The following TRIM54 variants were observed in gnomAD, a reference collection of about 807,000 sequenced individuals.
TRIM54 encodes the protein tripartite motif-containing protein 54.
A neutral mutation model predicts 42.0 loss-of-function variants in TRIM54; 40 were observed. That is an observed-to-expected ratio of 0.95 (90% CI 0.74 to 1.24). The LOEUF (loss-of-function observed/expected upper bound fraction) is 1.24, where lower values mean the gene tolerates loss of function less well. TRIM54 is among the 50% of genes most tolerant of loss of function. The pLI is 0.00. For synonymous variants in TRIM54, 199 were observed against 194.9 expected (o/e 1.02, Z -0.17); for missense variants, 485 against 480.3 (o/e 1.01, Z -0.09).
chr2:27,285,146 G>C (rs562577496), intron 1 of TRIM54, among the ~76,000 whole-genome samples: 42 of 152,280 alleles, frequency 2.8e-4, no homozygotes, highest in African/African-American at 9.6e-4. Flanking sequence ...CTCATCCCTT[G>C]CTGCTTATTT....
At chr2:27,293,640 G>C (rs558947672) in intron 1 of TRIM54, among the ~76,000 whole-genome samples, 15 of 152,098 alleles carry the variant, frequency 9.9e-5, no homozygotes, top group Non-Finnish European at 2.2e-4. Flanking sequence ...CAGTTGCATA[G>C]TTGATTTTCA....
chr2:27,292,623 A>G (rs1678751251), intron 1 of TRIM54, among the ~76,000 whole-genome samples: 1 of 152,184 alleles, frequency 6.6e-6, no homozygotes, highest in South Asian at 2.1e-4. Flanking sequence ...CATTACATAC[A>G]TTTACATTGT....
chr2:27,291,338 G>A (rs530934048), intron 1 of TRIM54, among the ~76,000 whole-genome samples: 1 of 152,292 alleles, frequency 6.6e-6, no homozygotes, highest in Non-Finnish European at 1.5e-5. Context: ...CTGGGCTACA[G>A]GAGTGAAACC....
chr2:27,296,556 G>T (rs772166587), intron 1 of TRIM54, among the ~76,000 whole-genome samples: 13 of 152,276 alleles, frequency 8.5e-5, no homozygotes, highest in Non-Finnish European at 1.3e-4. Context: ...CCACTTCATG[G>T]CTCAAGACGG....
chr2:27,303,518 C>T (rs1342527616), intron 3 of TRIM54, among the ~76,000 whole-genome samples: 4 of 151,882 alleles, frequency 2.6e-5, no homozygotes, highest in Non-Finnish European at 5.9e-5. Context: ...TCATTGCACT[C>T]CAGCCTGGGC....
At chr2:27,286,010 C>T (rs1678547358) in intron 1 of TRIM54, among the ~76,000 whole-genome samples, 1 of 152,116 alleles carries the variant, frequency 6.6e-6, no homozygotes, top group African/African-American at 2.4e-5. Flanking sequence ...AGGAGGATCA[C>T]TTGAGCCCAG....
chr2:27,306,027 C>G lies in TRIM54; in HGVS notation c.844-53C>G. The G allele has an allele frequency of 6.2e-7, 1 of 1,609,886 alleles. No individual in the cohort carries two copies. The highest frequency in any genetic ancestry group is 8.5e-7 in the Non-Finnish European group (1 of 1,177,962). ...ACTGTGGTGAGATTCAGAAATGGGA[C>G]TTTGCCCAGGTTGGCCCAGTGCTTA... On this transcript the variant is annotated intron_variant, in intron 5 of 8. Transcript: ENST00000380075. The surrounding 1 kb of genome is among the most constrained non-coding windows in gnomAD (Gnocchi z 6.1).
chr2:27,299,281 C>T lies in TRIM54; in HGVS notation c.378C>T (p.Cys126=), dbSNP rs1251823596. ...CCAAGGCTGAGCAGCACCTCATGTG[C>T]GAGGAGCATGAAGAAGAGAAGATCA... is the stretch of plus-strand genomic sequence containing the variant. The part of the protein sequence containing the change: ...LHSKAEQHLM[C]EEHEEEKINI... The change falls in exon 3 of 9, where the codon TGC becomes TGT. Residue 126 remains cysteine, a synonymous_variant. Transcript: ENST00000380075. The T allele has an allele frequency of 2.5e-6, 4 of 1,614,114 alleles. No homozygotes were observed. Among genetic ancestry groups the T allele is most frequent in the South Asian group, 2.2e-5 (2 of 91,082 alleles).
chr2:27,295,046 C>T (rs1483702709), intron 1 of TRIM54, among the ~76,000 whole-genome samples: 1 of 151,898 alleles, frequency 6.6e-6, no homozygotes, highest in African/African-American at 2.4e-5. Flanking sequence ...AGTGATTGTT[C>T]ACCTCCTCGA....
At chr2:27,302,173 A>C (rs1028658064) in intron 3 of TRIM54, among the ~76,000 whole-genome samples, 5 of 151,722 alleles carry the variant, frequency 3.3e-5, no homozygotes, top group Non-Finnish European at 7.4e-5. Context: ...TAAATAGGCC[A>C]GGCGCGGTGG....
rs1558590492 is a variant in TRIM54, at chr2:27,304,223, T to TAG, written c.514-735_514-734insGA. On this transcript the variant is annotated intron_variant, in intron 3 of 8. Transcript: ENST00000380075. Reference sequence around the variant, plus strand: ...TGAGACCTTGTCTCAAATATATATATATAGATAGATAGATAGATAGATAGA... The same window carrying TAG: ...TGAGACCTTGTCTCAAATATATATATAGATAGATAGATAGATAGATAGATAGA... Among the ~76,000 whole-genome samples the TAG allele has an allele frequency of 2.9e-4, 41 of 139,212 alleles. 1 individual carries two copies. Among genetic ancestry groups the TAG allele is most frequent in the South Asian group, 7.0e-4 (3 of 4,308 alleles). The allele number at this position is 139,212 out of a possible 152,430, so 91.3% of individuals were successfully genotyped here. A position where few individuals can be genotyped will look rare whatever the true frequency, so the allele number is the denominator to read the frequency against.
rs1443830478 is a variant in TRIM54, at chr2:27,290,399, G to T, written c.168+7500G>T. Among the ~76,000 whole-genome samples, 3 of 152,308 alleles carry T rather than the reference G, an allele frequency of 2.0e-5. No homozygotes were observed. In the South Asian group the frequency reaches 6.2e-4, roughly 32 times the overall value. On this transcript the variant is annotated intron_variant, in intron 1 of 8. Transcript: ENST00000380075. ...GTAGTGATAAGCAGCCGGGCCCAGTGGCTCATGCCTGTAATCCCAGCACTA... is the reference window on the plus strand; with the variant it reads ...GTAGTGATAAGCAGCCGGGCCCAGTTGCTCATGCCTGTAATCCCAGCACTA...
At chr2:27,295,911 A>G (rs1678855320) in intron 1 of TRIM54, among the ~76,000 whole-genome samples, 2 of 152,344 alleles carry the variant, frequency 1.3e-5, no homozygotes, top group South Asian at 4.1e-4. Context: ...ATACACTTTA[A>G]CGCATTCCCT....
At chr2:27,295,380 C>T (rs1206326732) in intron 1 of TRIM54, among the ~76,000 whole-genome samples, 1 of 152,146 alleles carries the variant, frequency 6.6e-6, no homozygotes, top group Admixed American at 6.6e-5. Context: ...GATCTTGGCT[C>T]ACTGCAGCCT....
rs1357882143 is a variant in TRIM54, at chr2:27,282,514, C to T, written c.-218C>T. The T allele has an allele frequency of 4.9e-6, 2 of 406,192 alleles. No homozygotes were observed. Among genetic ancestry groups the T allele is most frequent in the African/African-American group, 2.1e-5 (1 of 48,420 alleles). 25.2% of individuals were successfully genotyped at this position (406,192 alleles called of 1,614,324 possible). ...TACAGAGAGAGAGGGATAGCTAAAA[C>T]TACGTGAGCCTGGCGAGGGTGCAGA... On this transcript the variant is annotated 5_prime_UTR_variant, in exon 1 of 9. Coordinates refer to ENST00000380075, the MANE Select transcript of TRIM54 (RefSeq NM_187841.3).
At chr2:27,290,950 G>A (rs1156830693) in intron 1 of TRIM54, among the ~76,000 whole-genome samples, 1 of 152,150 alleles carries the variant, frequency 6.6e-6, no homozygotes, top group African/African-American at 2.4e-5. Context: ...GACAAATTTT[G>A]GTAGAGAAAG....
intron 1 of TRIM54, among the ~76,000 whole-genome samples, chr2:27,285,258 A>G (rs1678523997): frequency 6.6e-6 from 1 of 152,178 alleles, no homozygotes; most frequent in Non-Finnish European, 1.5e-5. Flanking sequence ...GAGCATATTT[A>G]GTTTTTTCGC....
At chr2:27,288,155 G>A (rs537942426) in intron 1 of TRIM54, among the ~76,000 whole-genome samples, 7 of 152,220 alleles carry the variant, frequency 4.6e-5, no homozygotes, top group South Asian at 4.1e-4. Context: ...TCTGCCCACC[G>A]TTTTCCCAAG....
chr2:27,299,306 A>G lies in TRIM54; in HGVS notation c.403A>G (p.Asn135Asp). The G allele has an allele frequency of 6.2e-7, 1 of 1,614,164 alleles. No individual in the cohort carries two copies. The highest frequency in any genetic ancestry group is 8.5e-7 in the Non-Finnish European group (1 of 1,180,034). The change falls in exon 3 of 9, where the codon AAT becomes GAT. Residue 135 changes from asparagine to aspartate, a missense_variant. By Grantham distance (23) the Asn-to-Asp change is conservative. Coordinates refer to ENST00000380075, the MANE Select transcript of TRIM54 (RefSeq NM_187841.3). ...CGAGGAGCATGAAGAAGAGAAGATCAATATTTACTGCCTGAGCTGTGAGGT... is the reference window on the plus strand; with the variant it reads ...CGAGGAGCATGAAGAAGAGAAGATCGATATTTACTGCCTGAGCTGTGAGGT... ...MCEEHEEEKI[N>D]IYCLSCEVPT...
Sources: gnomAD v4.1 joint callset for allele counts (sites outside exome capture counted in the v4.1 genomes callset) on GRCh38, gnomAD v4.1.1 for gene constraint, Gnocchi (gnomAD v3.1) non-coding constraint, MANE v1.5 for transcripts, NCBI Gene and HGNC (gene_info 2026-07-23, HGNC 2026-07-21) for gene names.